Variants in IL1RAPL2 observed in about 807,000 individuals in gnomAD.
The protein encoded by IL1RAPL2 is interleukin 1 receptor accessory protein like 2, also known as X-linked interleukin-1 receptor accessory protein-like 2.
Under a neutral mutation model 44.1 loss-of-function variants are expected in IL1RAPL2, and 3 were observed. The observed-to-expected ratio is 0.07, with a 90% CI of 0.03 to 0.18. The LOEUF (loss-of-function observed/expected upper bound fraction) is 0.18, where lower values mean the gene tolerates loss of function less well. Ranked by LOEUF, IL1RAPL2 falls within the 10% of genes least tolerant of loss-of-function variation. The pLI, the probability that IL1RAPL2 is intolerant of heterozygous loss-of-function variation, is 1.00. For missense variants in IL1RAPL2, 391 were observed against 496.4 expected, an observed-to-expected ratio of 0.79 and a Z score of 2.02; for synonymous variants, 181 against 178.8, an observed-to-expected ratio of 1.01 and a Z score of -0.10.
At chrX:105,037,751 T>A (rs1256385840) in intron 2 of IL1RAPL2, among the ~76,000 whole-genome samples, 1 of 111,897 alleles carries the variant, frequency 8.9e-6, no homozygotes, top group Non-Finnish European at 1.9e-5. Context: ...TGCTCTCTCT[T>A]CTATTAAATA....
intron 2 of IL1RAPL2, among the ~76,000 whole-genome samples, chrX:105,026,788 C>T (rs2031380562): frequency 9.1e-6 from 1 of 110,305 alleles, no homozygotes; most frequent in Non-Finnish European, 1.9e-5. Context: ...AGATTAAATG[C>T]AACCCCTATA....
At chrX:104,599,239 G>A (rs1279147926) in intron 1 of IL1RAPL2, among the ~76,000 whole-genome samples, 1 of 111,028 alleles carries the variant, frequency 9.0e-6, no homozygotes, top group African/African-American at 3.3e-5. Flanking sequence ...GGGAACTATT[G>A]ATTTTAAATT....
intron 2 of IL1RAPL2, among the ~76,000 whole-genome samples, chrX:104,791,650 A>G (rs907212476): frequency 8.9e-6 from 1 of 111,814 alleles, no homozygotes; most frequent in African/African-American, 3.3e-5. Context: ...GTGGGTATAG[A>G]TAAATGTTCA....
chrX:104,840,884 T>C (rs1921884742), intron 2 of IL1RAPL2, among the ~76,000 whole-genome samples: 1 of 109,454 alleles, frequency 9.1e-6, no homozygotes, highest in Non-Finnish European at 1.9e-5. Context: ...GAGATAGTGT[T>C]TTTCCATGTT....
intron 6 of IL1RAPL2, among the ~76,000 whole-genome samples, chrX:105,633,561 C>T (rs962060139): frequency 1.3e-4 from 14 of 111,438 alleles, no homozygotes; most frequent in Non-Finnish European, 2.6e-4. Flanking sequence ...AACAGGTTTA[C>T]TAGGGTAGAC....
intron 6 of IL1RAPL2, among the ~76,000 whole-genome samples, chrX:105,485,911 A>G (rs2036262954): frequency 3.6e-5 from 4 of 112,230 alleles, no homozygotes; most frequent in Middle Eastern, 4.6e-3. Flanking sequence ...TAGTGCTGTA[A>G]TAAACATGGG....
chrX:105,574,123 T>C (rs147046180), intron 6 of IL1RAPL2, among the ~76,000 whole-genome samples: 3,490 of 111,920 alleles, frequency 0.031, 134 homozygotes, highest in African/African-American at 0.11. Flanking sequence ...GATCAAGTTA[T>C]AAAGAAATAT....
intron 2 of IL1RAPL2, among the ~76,000 whole-genome samples, chrX:104,983,410 A>T (rs1434272326): frequency 1.2e-5 from 1 of 85,377 alleles, no homozygotes; most frequent in Non-Finnish European, 2.2e-5. Context: ...TTAGATACAT[A>T]ATATAATATT....
chrX:105,238,769 TGA>T (rs2034143616), intron 4 of IL1RAPL2, among the ~76,000 whole-genome samples: 1 of 110,978 alleles, frequency 9.0e-6, no homozygotes, highest in South Asian at 3.9e-4. Context: ...CTCACTTAGG[TGA>T]GAGTGTGCCA....
chrX:105,472,855 G>A (rs2036174270), intron 5 of IL1RAPL2, among the ~76,000 whole-genome samples: 1 of 111,733 alleles, frequency 8.9e-6, no homozygotes, highest in Admixed American at 9.6e-5. Context: ...TTCAGAGACT[G>A]CTCTAGTATG....
chrX:105,188,494 G>A (rs1189183061), intron 2 of IL1RAPL2, among the ~76,000 whole-genome samples: 1 of 111,460 alleles, frequency 9.0e-6, no homozygotes. Flanking sequence ...ATGCATTGGA[G>A]GCTCATTCAT....
intron 2 of IL1RAPL2, among the ~76,000 whole-genome samples, chrX:105,080,204 G>T (rs757582527): frequency 8.0e-5 from 9 of 111,950 alleles, no homozygotes; most frequent in African/African-American, 2.9e-4. Context: ...CTTTTGCTGT[G>T]CAGAAGCTCT....
intron 5 of IL1RAPL2, among the ~76,000 whole-genome samples, chrX:105,445,827 G>A (rs2035950780): frequency 9.0e-6 from 1 of 110,958 alleles, no homozygotes; most frequent in Non-Finnish European, 1.9e-5. Flanking sequence ...GTCTTCTTTG[G>A]TTTATCCATG....
At chrX:105,340,481 G>A (rs764200851) in intron 5 of IL1RAPL2, among the ~76,000 whole-genome samples, 70 of 111,913 alleles carry the variant, frequency 6.3e-4, no homozygotes, top group Middle Eastern at 9.3e-3. Flanking sequence ...GGCCCACAAG[G>A]CCATATATAT....
intron 2 of IL1RAPL2, among the ~76,000 whole-genome samples, chrX:105,058,508 T>C (rs2032028154): frequency 8.9e-6 from 1 of 112,410 alleles, no homozygotes; most frequent in African/African-American, 3.2e-5. Context: ...CCTGAACATA[T>C]GTGGAAACTT....
At chrX:105,209,239 C>CA (rs2033789201) in intron 3 of IL1RAPL2, among the ~76,000 whole-genome samples, 1 of 111,347 alleles carries the variant, frequency 9.0e-6, no homozygotes, top group Non-Finnish European at 1.9e-5. Flanking sequence ...TGACATGAAA[C>CA]AAAGATAAAA....
intron 1 of IL1RAPL2, among the ~76,000 whole-genome samples, chrX:104,578,416 T>G: frequency 8.9e-6 from 1 of 111,914 alleles, no homozygotes; most frequent in Non-Finnish European, 1.9e-5. Context: ...GTGATAGAAG[T>G]GGCAGTGTGA....
chrX:105,280,425 A>G (rs1051719449), intron 5 of IL1RAPL2, among the ~76,000 whole-genome samples: 6 of 111,838 alleles, frequency 5.4e-5, no homozygotes, highest in African/African-American at 2.0e-4. Flanking sequence ...CAAAATAGAC[A>G]AATGGAATCT....
chrX:105,389,550 G>A (rs2035505833), intron 5 of IL1RAPL2, among the ~76,000 whole-genome samples: 1 of 111,734 alleles, frequency 8.9e-6, no homozygotes, highest in Admixed American at 9.5e-5. Context: ...ATAGGAACTG[G>A]AGGCTAGTCA....
Sources: gnomAD v4.1 joint callset for allele counts (sites outside exome capture counted in the v4.1 genomes callset) on GRCh38, gnomAD v4.1.1 for gene constraint, MANE v1.5 for transcripts, NCBI Gene and HGNC (gene_info 2026-07-23, HGNC 2026-07-21) for gene names.